The following HEXB variants were observed in gnomAD, a reference collection of about 807,000 sequenced individuals.
HEXB encodes the protein beta-hexosaminidase subunit beta.
HEXB carries 51 observed loss-of-function variants against 71.2 expected under a neutral mutation model. The ratio of observed to expected loss-of-function variants is 0.72; its 90% CI spans 0.57 to 0.90. HEXB has a LOEUF of 0.90. Ranked by LOEUF, HEXB falls within the 40% of genes least tolerant of loss-of-function variation. The pLI is 0.00. For synonymous variants in HEXB, 266 were observed against 249.3 expected (o/e 1.07, Z -0.63); for missense variants, 617 against 677.0 (o/e 0.91, Z 0.98).
intron 1 of HEXB, among the ~76,000 whole-genome samples, chr5:74,648,423 C>A (rs541897608): frequency 1.3e-5 from 2 of 152,306 alleles, no homozygotes; most frequent in South Asian, 4.1e-4. Flanking sequence ...TACCGAAGGA[C>A]AAGAGGAAAG....
At chr5:74,712,383 A>G (rs1749566780) in intron 6 of HEXB, among the ~76,000 whole-genome samples, 1 of 151,894 alleles carries the variant, frequency 6.6e-6, no homozygotes. Context: ...ATACATACGT[A>G]ACTAACCTGC....
chr5:74,656,077 C>A (rs1748212397), intron 1 of HEXB, among the ~76,000 whole-genome samples: 1 of 152,170 alleles, frequency 6.6e-6, no homozygotes, highest in African/African-American at 2.4e-5. Context: ...TAAAGCTGGG[C>A]CACCTTGGGG....
chr5:74,655,639 A>T (rs1748205122), intron 1 of HEXB, among the ~76,000 whole-genome samples: 1 of 152,166 alleles, frequency 6.6e-6, no homozygotes, highest in Non-Finnish European at 1.5e-5. Flanking sequence ...CTGGCCTCAG[A>T]ATCATTCATT....
Position 74,718,280 on chromosome 5 carries a change from T to C in HEXB, c.1170-11T>C, listed in dbSNP as rs1490234392. 6 of 1,530,682 alleles carry C rather than the reference T, an allele frequency of 3.9e-6. No homozygotes were observed. Among genetic ancestry groups the C allele is most frequent in the Non-Finnish European group, 5.4e-6 (6 of 1,104,060 alleles). 94.8% of individuals were successfully genotyped at this position (1,530,682 alleles called of 1,614,324 possible). ...TGATCTAAAATAACTATAATTTTTT[T>C]GTAATACTAGGGTTTTGGATATTAT... On this transcript the variant is annotated splice_polypyrimidine_tract_variant and intron_variant, in intron 9 of 13. Coordinates refer to ENST00000261416, the MANE Select transcript of HEXB (RefSeq NM_000521.4).
At chr5:74,650,979 ATAGT>A (rs1280953546) in intron 1 of HEXB, among the ~76,000 whole-genome samples, 1 of 151,942 alleles carries the variant, frequency 6.6e-6, no homozygotes, top group Non-Finnish European at 1.5e-5. Context: ...TTTTAATACA[ATAGT>A]TAGAAGAAAT....
chr5:74,709,481 T>G lies in HEXB; in HGVS notation c.772-4025T>G, dbSNP rs140612825. ...AGGAAATAGACACACAAAAAACCCT[T>G]CAAAAAATTAATGAATCCAGAAGCT... On this transcript the variant is annotated intron_variant, in intron 6 of 13. Coordinates refer to ENST00000261416, the MANE Select transcript of HEXB (RefSeq NM_000521.4). Among the ~76,000 whole-genome samples the G allele has an allele frequency of 4.8e-3, 729 of 152,146 alleles. 9 individuals are homozygous for G. The highest frequency in any genetic ancestry group is 0.017 in the African/African-American group (686 of 41,522).
At chr5:74,659,888 A>G (rs1366541133) in intron 1 of HEXB, among the ~76,000 whole-genome samples, 1 of 152,186 alleles carries the variant, frequency 6.6e-6, no homozygotes, top group East Asian at 1.9e-4. Flanking sequence ...AGTCAAAGCA[A>G]ACTCTTAGCG....
At position 74,693,718 on chromosome 5, in the gene HEXB, A is replaced by C; in HGVS notation, c.511+14A>C. On this transcript the variant is annotated intron_variant, in intron 3 of 13. Coordinates refer to ENST00000261416, the MANE Select transcript of HEXB (RefSeq NM_000521.4). The stretch of plus-strand genomic sequence containing the variant: ...GAGCATTACGAGGTAAGTTCCATGC[A>C]GTTTCATTGTTACTTTCCAGTAAAG... 6.3e-7 allele frequency: 1 copy of C among 1,598,496 alleles called. No individual in the cohort carries two copies. Among genetic ancestry groups the C allele is most frequent in the Non-Finnish European group, 8.6e-7 (1 of 1,165,714 alleles).
chr5:74,712,432 AT>A (rs1749568730), intron 6 of HEXB, among the ~76,000 whole-genome samples: 1 of 131,618 alleles, frequency 7.6e-6, no homozygotes, highest in African/African-American at 3.5e-5. Flanking sequence ...AAGTATGATA[AT>A]AATAAAAAAA....
intron 1 of HEXB, among the ~76,000 whole-genome samples, chr5:74,664,448 A>AAAAC (rs1748396474): frequency 1.6e-5 from 2 of 126,538 alleles, no homozygotes; most frequent in African/African-American, 2.9e-5. Flanking sequence ...AAAAAAAAAA[A>AAAAC]AAAAACAGAG....
At chr5:74,644,474 A>T (rs72764605) in intron 1 of HEXB, among the ~76,000 whole-genome samples, 22,565 of 152,112 alleles carry the variant, frequency 0.15, 1,660 homozygotes, top group Admixed American at 0.18. Flanking sequence ...GGAAAATGAG[A>T]CCTCAGCTTC....
At chr5:74,712,144 A>C (rs1312001034) in intron 6 of HEXB, among the ~76,000 whole-genome samples, 1 of 146,750 alleles carries the variant, frequency 6.8e-6, no homozygotes, top group East Asian at 2.0e-4. Flanking sequence ...ACATGGATGA[A>C]ATTGGAAATC....
rs70976121 is a variant in HEXB at position 74,679,798 on chromosome 5, C to CAAAAAAAAAAA, written c.-376-9513_-376-9503dup. 2.8e-4 allele frequency among the ~76,000 whole-genome samples: 11 copies of CAAAAAAAAAAA among 38,924 alleles called. 1 individual carries two copies. Among genetic ancestry groups the CAAAAAAAAAAA allele is most frequent in the East Asian group, 7.9e-4 (1 of 1,266 alleles). The allele number at this position is 38,924 out of a possible 152,430, so 25.5% of individuals were successfully genotyped here. ...CTGGTGACAGCGCGAGACTCCGTCT[C>CAAAAAAAAAAA]AAAAAAAAAAAAAAAAAAAAAAAAA... On this transcript the variant is annotated intron_variant, in intron 1 of 13. Transcript: ENST00000511181.
intron 6 of HEXB, among the ~76,000 whole-genome samples, chr5:74,706,327 G>A (rs531834664): frequency 2.0e-5 from 3 of 152,200 alleles, no homozygotes; most frequent in African/African-American, 4.8e-5. Context: ...CAAGATGGCC[G>A]AATAGGAACA....
intron 1 of HEXB, among the ~76,000 whole-genome samples, chr5:74,668,824 A>G (rs1748481977): frequency 6.6e-6 from 1 of 152,196 alleles, no homozygotes; most frequent in African/African-American, 2.4e-5. Context: ...TTTAAACTGT[A>G]CACATATTCA....
chr5:74,706,850 G>A (rs1039276839), intron 6 of HEXB, among the ~76,000 whole-genome samples: 5 of 151,980 alleles, frequency 3.3e-5, no homozygotes, highest in Admixed American at 6.6e-5. Flanking sequence ...GCCTCTGTAG[G>A]CTCCACCTCT....
upstream of HEXB, chr5:74,685,217 G>C: frequency 4.1e-6 from 6 of 1,469,262 alleles, no homozygotes; most frequent in Non-Finnish European, 5.4e-6. Flanking sequence ...GTCGGGTCCC[G>C]AGGCTCCGGC....
At chr5:74,701,819 T>C (rs979027115) in intron 5 of HEXB, among the ~76,000 whole-genome samples, 1 of 152,092 alleles carries the variant, frequency 6.6e-6, no homozygotes, top group Non-Finnish European at 1.5e-5. Flanking sequence ...TGGGCACATA[T>C]GATGCATCAA....
chr5:74,712,651 T>C (rs563705124), intron 6 of HEXB, among the ~76,000 whole-genome samples: 26 of 152,310 alleles, frequency 1.7e-4, no homozygotes, highest in Non-Finnish European at 2.9e-4. Context: ...AACTGAGTCA[T>C]GTGTCCTACA....
Sources: allele counts gnomAD v4.1 joint callset (sites outside exome capture counted in the v4.1 genomes callset), GRCh38; gene constraint gnomAD v4.1.1; transcripts MANE v1.5; gene names NCBI Gene and HGNC (gene_info 2026-07-23, HGNC 2026-07-21).